CHLSN: variants seen among roughly 807,000 people sequenced by gnomAD.
CHLSN encodes cholesin.
chr7:1,090,200 G>T, the CHLSN span, among the ~76,000 whole-genome samples: 3 of 152,272 alleles, frequency 2.0e-5, 1 homozygote, highest in African/African-American at 7.2e-5. Flanking sequence ...TCTGGGCCAG[G>T]TAATTCTCTG....
the CHLSN span, chr7:984,421 C>CCG: frequency 6.5e-7 from 1 of 1,547,900 alleles, no homozygotes; most frequent in Non-Finnish European, 8.7e-7. Context: ...GCTCTCAGAA[C>CCG]GCTACGGGCC....
the CHLSN span, chr7:983,384 A>G: frequency 6.6e-7 from 1 of 1,504,128 alleles, no homozygotes; most frequent in Admixed American, 2.0e-5. Context: ...TCCCTGATGG[A>G]GGTAAGTCAG....
the CHLSN span, among the ~76,000 whole-genome samples, chr7:1,010,963 C>T: frequency 6.6e-6 from 1 of 151,968 alleles, no homozygotes; most frequent in East Asian, 1.9e-4. Flanking sequence ...CGGGAGCTTC[C>T]AGGAAGGGAG....
At chr7:1,013,678 G>A in the CHLSN span, among the ~76,000 whole-genome samples, 1 of 152,206 alleles carries the variant, frequency 6.6e-6, no homozygotes, top group Non-Finnish European at 1.5e-5. Context: ...GATGGGACGG[G>A]CCTCATGGAA....
chr7:984,286 G>GC, the CHLSN span: 1 of 1,279,068 alleles, frequency 7.8e-7, no homozygotes. Context: ...ATCTAGGCGT[G>GC]CCCCCTCCAC....
chr7:1,135,512 A>G, the CHLSN span, among the ~76,000 whole-genome samples: 2 of 151,810 alleles, frequency 1.3e-5, no homozygotes, highest in African/African-American at 4.8e-5. Flanking sequence ...CACGCCTGTA[A>G]TCCCAGCACT....
chr7:1,044,573 G>C, the CHLSN span: 1 of 150,700 alleles, frequency 6.6e-6, no homozygotes, highest in Non-Finnish European at 1.5e-5. Context: ...GGGCCCGGGC[G>C]GCGTGCGCGC....
the CHLSN span, among the ~76,000 whole-genome samples, chr7:1,081,384 C>A: frequency 6.6e-6 from 1 of 152,256 alleles, no homozygotes; most frequent in African/African-American, 2.4e-5. Flanking sequence ...CTGTCTGGGA[C>A]CACTCAGAAT....
the CHLSN span, chr7:1,091,783 G>A: frequency 1.8e-5 from 28 of 1,580,638 alleles, no homozygotes; most frequent in Middle Eastern, 1.7e-4. Flanking sequence ...CCCAGGCACC[G>A]CGCAGCCTGC....
the CHLSN span, among the ~76,000 whole-genome samples, chr7:1,083,649 A>G: frequency 6.6e-6 from 1 of 151,592 alleles, no homozygotes; most frequent in African/African-American, 2.4e-5. Flanking sequence ...AAAAAAAACA[A>G]AAAAAAACAC....
At chr7:1,077,136 G>A in the CHLSN span, among the ~76,000 whole-genome samples, 1 of 152,188 alleles carries the variant, frequency 6.6e-6, no homozygotes, top group Non-Finnish European at 1.5e-5. Flanking sequence ...TATTCTTGGG[G>A]GCTTTCAGGT....
At chr7:1,132,477 G>A in the CHLSN span, among the ~76,000 whole-genome samples, 1 of 152,170 alleles carries the variant, frequency 6.6e-6, no homozygotes, top group African/African-American at 2.4e-5. Flanking sequence ...AGGACTGCTT[G>A]AGCCCAGGAG....
At chr7:1,116,294 A>G in the CHLSN span, among the ~76,000 whole-genome samples, 1 of 145,638 alleles carries the variant, frequency 6.9e-6, no homozygotes, top group African/African-American at 2.6e-5. Context: ...ACGCAGGATG[A>G]CATCACTACA....
chr7:1,131,329 C>A, the CHLSN span, among the ~76,000 whole-genome samples: 3 of 152,090 alleles, frequency 2.0e-5, no homozygotes, highest in Non-Finnish European at 2.9e-5. Context: ...AAATACCCCT[C>A]GCTGTGAAAA....
At chr7:1,070,482 C>T in the CHLSN span, among the ~76,000 whole-genome samples, 1 of 151,964 alleles carries the variant, frequency 6.6e-6, no homozygotes, top group Non-Finnish European at 1.5e-5. Flanking sequence ...CACATACGCA[C>T]ACGGGCACAC....
chr7:1,112,985 T>G, the CHLSN span, among the ~76,000 whole-genome samples: 1 of 152,300 alleles, frequency 6.6e-6, no homozygotes, highest in African/African-American at 2.4e-5. Context: ...GCACCGTGGA[T>G]GAATAAGGGT....
At chr7:1,005,809 G>A in the CHLSN span, among the ~76,000 whole-genome samples, 4 of 152,302 alleles carry the variant, frequency 2.6e-5, no homozygotes, top group South Asian at 2.1e-4. Context: ...ACCCCGTCCC[G>A]GCTGGATCCG....
chr7:1,005,020 A>G, the CHLSN span, among the ~76,000 whole-genome samples: 6 of 152,208 alleles, frequency 3.9e-5, no homozygotes, highest in East Asian at 1.2e-3. Context: ...GGCGGCTGGG[A>G]ACAGTGGCTC....
chr7:1,004,864 T>C, the CHLSN span, among the ~76,000 whole-genome samples: 5 of 152,144 alleles, frequency 3.3e-5, no homozygotes, highest in Admixed American at 6.5e-5. Context: ...GTCCCCAGCA[T>C]AGCGGGGGCC....
Sources: gnomAD v4.1 joint callset for allele counts (sites outside exome capture counted in the v4.1 genomes callset) on GRCh38, gnomAD v4.1.1 for gene constraint, MANE v1.5 for transcripts, NCBI Gene and HGNC (gene_info 2026-07-23, HGNC 2026-07-21) for gene names.